ELAVL2: variants seen among roughly 807,000 people sequenced by gnomAD.
ELAVL2 encodes the protein ELAV like RNA binding protein 2.
ELAVL2 carries 4 observed loss-of-function variants against 34.6 expected under a neutral mutation model. That is an observed-to-expected ratio of 0.12 (90% CI 0.06 to 0.26). The LOEUF is 0.26. ELAVL2 is among the 10% of genes least tolerant of loss of function. The pLI, the probability that ELAVL2 is intolerant of heterozygous loss-of-function variation, is 1.00. For missense variants in ELAVL2, 432 were observed against 442.8 expected (o/e 0.98, Z 0.22); for synonymous variants, 193 against 154.8 (o/e 1.25, Z -1.83).
At chr9:23,743,476 C>G (rs1279157049) in intron 2 of ELAVL2, among the ~76,000 whole-genome samples, 1 of 152,102 alleles carries the variant, frequency 6.6e-6, no homozygotes. Context: ...AATGTGGCAC[C>G]ATCCACATCA....
chr9:23,776,693 A>G (rs990861277), intron 1 of ELAVL2, among the ~76,000 whole-genome samples: 7 of 150,724 alleles, frequency 4.6e-5, no homozygotes, highest in African/African-American at 7.3e-5. Context: ...ACCCGCAGCC[A>G]GAAATAATCC....
chr9:23,767,521 C>T (rs1224241274), intron 1 of ELAVL2, among the ~76,000 whole-genome samples: 1 of 152,200 alleles, frequency 6.6e-6, no homozygotes, highest in Non-Finnish European at 1.5e-5. Context: ...CGGCTCACGT[C>T]TGTAATCCCA....
At position 23,693,437 on chromosome 9, in the gene ELAVL2, T is replaced by A. The variant is rs747388241; in HGVS notation, c.752+11A>T. 1.2e-6 allele frequency: 2 copies of A among 1,613,868 alleles called. No homozygotes were observed. Among genetic ancestry groups the A allele is most frequent in the African/African-American group, 1.3e-5 (1 of 74,926 alleles). ...AAAGGGATTATGAGTATCATGAACC[T>A]CTATCATTACCTCTTTACTCCATAA... On this transcript the variant is annotated intron_variant, in intron 6 of 6. Coordinates refer to ENST00000397312, the MANE Select transcript of ELAVL2 (RefSeq NM_004432.5).
chr9:23,800,409 G>A (rs1262222241), intron 1 of ELAVL2, among the ~76,000 whole-genome samples: 1 of 152,156 alleles, frequency 6.6e-6, no homozygotes, highest in Non-Finnish European at 1.5e-5. Flanking sequence ...GTGCCCAAGA[G>A]CAGCTCTACT....
intron 3 of ELAVL2, among the ~76,000 whole-genome samples, chr9:23,723,428 G>T (rs574346854): frequency 6.6e-6 from 1 of 151,966 alleles, no homozygotes; most frequent in Admixed American, 6.6e-5. Context: ...TTGTGGGGAC[G>T]GGGGAGGGAT....
At chr9:23,695,259 C>T (rs1295737909) in intron 5 of ELAVL2, among the ~76,000 whole-genome samples, 1 of 152,114 alleles carries the variant, frequency 6.6e-6, no homozygotes, top group Non-Finnish European at 1.5e-5. Flanking sequence ...CATATGCTAC[C>T]TGTAGAAGAG....
chr9:23,729,202 G>T (rs2045960681), intron 3 of ELAVL2, among the ~76,000 whole-genome samples: 1 of 152,140 alleles, frequency 6.6e-6, no homozygotes, highest in African/African-American at 2.4e-5. Context: ...ACACTAGAAT[G>T]AAATAAGGGT....
At chr9:23,773,776 C>T (rs1202968108) in intron 1 of ELAVL2, among the ~76,000 whole-genome samples, 2 of 152,140 alleles carry the variant, frequency 1.3e-5, no homozygotes, top group Non-Finnish European at 2.9e-5. Context: ...GGTCTGTTCT[C>T]TTTAAAAGCT....
intron 1 of ELAVL2, among the ~76,000 whole-genome samples, chr9:23,771,824 G>A (rs944154828): frequency 1.3e-5 from 2 of 152,082 alleles, no homozygotes; most frequent in African/African-American, 4.8e-5. Context: ...TTTTCAACAG[G>A]GTCATTTATA....
At chr9:23,824,342 C>T (rs563461994) in intron 1 of ELAVL2, among the ~76,000 whole-genome samples, 2 of 152,294 alleles carry the variant, frequency 1.3e-5, no homozygotes, top group South Asian at 4.1e-4. Flanking sequence ...CACGCGAGGT[C>T]TCGTCCGCCG....
chr9:23,713,563 G>A (rs1244127286), intron 3 of ELAVL2, among the ~76,000 whole-genome samples: 5 of 152,024 alleles, frequency 3.3e-5, no homozygotes, highest in Non-Finnish European at 5.9e-5. Context: ...TATTCCTACC[G>A]GTAGCTCTCT....
chr9:23,770,268 G>A (rs1193454634), intron 1 of ELAVL2, among the ~76,000 whole-genome samples: 1 of 152,160 alleles, frequency 6.6e-6, no homozygotes, highest in South Asian at 2.1e-4. Context: ...ATGAAGACGG[G>A]TAGTTTCCAG....
chr9:23,725,391 C>G (rs1410569003), intron 3 of ELAVL2, among the ~76,000 whole-genome samples: 1 of 152,160 alleles, frequency 6.6e-6, no homozygotes, highest in East Asian at 1.9e-4. Flanking sequence ...CTACTAAAGT[C>G]ATGAACTCCC....
upstream of ELAVL2, chr9:23,826,368 GC>G (rs1329656995): frequency 6.6e-6 from 1 of 152,322 alleles, no homozygotes; most frequent in Non-Finnish European, 1.5e-5. Context: ...GGAAGTATAC[GC>G]CGAATCGCGC....
chr9:23,742,533 A>G (rs2049487710), intron 2 of ELAVL2, among the ~76,000 whole-genome samples: 1 of 152,194 alleles, frequency 6.6e-6, no homozygotes, highest in African/African-American at 2.4e-5. Context: ...GCATCACATG[A>G]TCAGGTGTTT....
the ELAVL2 span, among the ~76,000 whole-genome samples, chr9:23,833,895 C>T: frequency 6.6e-6 from 1 of 151,836 alleles, no homozygotes; most frequent in Non-Finnish European, 1.5e-5. Flanking sequence ...AATTCTATTA[C>T]CAAAAATATC....
At chr9:23,764,015 A>G (rs922444303) in intron 1 of ELAVL2, among the ~76,000 whole-genome samples, 2 of 152,202 alleles carry the variant, frequency 1.3e-5, no homozygotes, top group Non-Finnish European at 2.9e-5. Context: ...TAGCAAATCT[A>G]TTTGAATTTG....
chr9:23,786,548 A>T, intron 1 of ELAVL2, among the ~76,000 whole-genome samples: 1 of 152,138 alleles, frequency 6.6e-6, no homozygotes, highest in East Asian at 1.9e-4. Flanking sequence ...GTACCTATTA[A>T]AAATAGAAAG....
intron 4 of ELAVL2, among the ~76,000 whole-genome samples, chr9:23,703,535 C>G (rs1587372360): frequency 6.6e-6 from 1 of 152,168 alleles, no homozygotes; most frequent in African/African-American, 2.4e-5. Flanking sequence ...CTAGCTCTCT[C>G]TACTCAGAAC....
Sources: allele counts gnomAD v4.1 joint callset (sites outside exome capture counted in the v4.1 genomes callset), GRCh38; gene constraint gnomAD v4.1.1; transcripts MANE v1.5; gene names NCBI Gene and HGNC (gene_info 2026-07-23, HGNC 2026-07-21).